The following RBKS variants were observed in gnomAD, a reference collection of about 807,000 sequenced individuals.
RBKS encodes the protein ribokinase.
RBKS carries 33 observed loss-of-function variants against 33.9 expected under a neutral mutation model. The ratio of observed to expected loss-of-function variants is 0.97; its 90% CI spans 0.74 to 1.30. The LOEUF is 1.30. Ranked by LOEUF, RBKS falls within the 50% of genes most tolerant of loss-of-function variation. The pLI, the probability that RBKS is intolerant of heterozygous loss-of-function variation, is 0.00. For missense variants in RBKS, 361 were observed against 392.6 expected, an observed-to-expected ratio of 0.92 and a Z score of 0.68; for synonymous variants, 125 against 143.0, an observed-to-expected ratio of 0.87 and a Z score of 0.90.
chr2:27,834,129 A>G (rs778569551), intron 5 of RBKS, among the ~76,000 whole-genome samples: 1 of 152,200 alleles, frequency 6.6e-6, no homozygotes, highest in Non-Finnish European at 1.5e-5. Flanking sequence ...CTTGGCACTA[A>G]TGCATTCCAC....
intron 1 of RBKS, among the ~76,000 whole-genome samples, chr2:27,874,505 G>A (rs1305682627): frequency 2.6e-5 from 4 of 152,210 alleles, no homozygotes; most frequent in Admixed American, 2.0e-4. Context: ...GACACAACAC[G>A]TCGTCAAGAG....
intron 1 of RBKS, among the ~76,000 whole-genome samples, chr2:27,873,840 A>AC (rs75896045): frequency 5.3e-5 from 8 of 151,752 alleles, no homozygotes; most frequent in African/African-American, 7.3e-5. Context: ...ACAAAAAAAA[A>AC]ACAAAACACC....
chr2:27,848,479 T>A (rs1663667105), intron 2 of RBKS, among the ~76,000 whole-genome samples: 1 of 152,182 alleles, frequency 6.6e-6, no homozygotes. Flanking sequence ...TTGCCTGATG[T>A]TCCAGAATCT....
chr2:27,827,694 A>G lies in RBKS; in HGVS notation c.668T>C (p.Val223Ala). 1 of 1,613,750 alleles carries G rather than the reference A, an allele frequency of 6.2e-7. No homozygotes were observed. The highest frequency in any genetic ancestry group is 8.5e-7 in the Non-Finnish European group (1 of 1,179,892). ...SAADAGEAAL[V>A]LLKRGCQVVI... ...CACCTGGCAGCCCCTTTTCAAGAGC[A>G]CTAATGCAGCCTCCCCAGCATCTGC... Residue 223 changes from valine to alanine, a missense_variant, in exon 7 of 8, where the codon GTG (valine) becomes GCG (alanine). Val to Ala is a moderately conservative substitution (Grantham distance 64). Coordinates refer to ENST00000302188, the MANE Select transcript of RBKS (RefSeq NM_022128.3).
In RBKS at chr2:27,837,565, G is replaced by A. The variant is rs1678550919; in HGVS notation, c.515-4788C>T. Reference sequence around the variant, plus strand: ...ATGCTAGTCACAATAGCAAAGACATGGAATCAACCTAGGTGCCCATCAATG... The same window carrying A: ...ATGCTAGTCACAATAGCAAAGACATAGAATCAACCTAGGTGCCCATCAATG... On this transcript the variant is annotated intron_variant, in intron 5 of 7. Coordinates refer to ENST00000302188, the MANE Select transcript of RBKS (RefSeq NM_022128.3). The surrounding 1 kb of genome is among the most constrained non-coding windows in gnomAD (Gnocchi z 4.0). Among the ~76,000 whole-genome samples, 1 of 152,090 alleles carries A rather than the reference G, an allele frequency of 6.6e-6. No homozygotes were observed. The highest frequency in any genetic ancestry group is 2.1e-4 in the South Asian group (1 of 4,824).
chr2:27,829,934 C>A (rs1337389604), intron 6 of RBKS, among the ~76,000 whole-genome samples: 1 of 152,122 alleles, frequency 6.6e-6, no homozygotes, highest in East Asian at 1.9e-4. Flanking sequence ...GGAGCCACAG[C>A]CTAGCATGTA....
At chr2:27,875,085 T>G (rs1664285934) in intron 1 of RBKS, among the ~76,000 whole-genome samples, 1 of 152,190 alleles carries the variant, frequency 6.6e-6, no homozygotes, top group African/African-American at 2.4e-5. Context: ...CTGGAAAACA[T>G]TCAACATCTC....
chr2:27,877,285 G>GT (rs996070077), intron 1 of RBKS, among the ~76,000 whole-genome samples: 1,840 of 145,832 alleles, frequency 0.013, 23 homozygotes, highest in African/African-American at 0.039. Context: ...GCTTTGTGTA[G>GT]TTTTTTTTTT....
intron 5 of RBKS, among the ~76,000 whole-genome samples, chr2:27,835,547 T>C (rs1403876102): frequency 6.8e-6 from 1 of 147,878 alleles, no homozygotes; most frequent in Non-Finnish European, 1.5e-5. Context: ...GCCTCCCAAG[T>C]AGCTGGGACT....
At chr2:27,794,946 T>C (rs894992314) in intron 7 of RBKS, among the ~76,000 whole-genome samples, 1 of 152,156 alleles carries the variant, frequency 6.6e-6, no homozygotes, top group Non-Finnish European at 1.5e-5. Flanking sequence ...TTTTTAGCTG[T>C]GACATTGATT....
At chr2:27,783,109 C>T (rs750465913) in intron 7 of RBKS, among the ~76,000 whole-genome samples, 1 of 152,142 alleles carries the variant, frequency 6.6e-6, no homozygotes, top group African/African-American at 2.4e-5. Flanking sequence ...CTTTGACATA[C>T]GCCCATCCTT....
chr2:27,800,879 G>A (rs1409471751), intron 7 of RBKS, among the ~76,000 whole-genome samples: 3 of 152,180 alleles, frequency 2.0e-5, no homozygotes, highest in African/African-American at 7.2e-5. Flanking sequence ...ATTGTGTGCT[G>A]GGGTCTCTGA....
chr2:27,789,953 ATATATATATATATATATATG>A lies in RBKS; in HGVS notation c.796-8185_796-8166del, dbSNP rs1157792539. 4.3e-4 allele frequency among the ~76,000 whole-genome samples: 59 copies of A among 136,252 alleles called. 1 individual carries two copies. The East Asian group carries it at 0.01, about 24-fold the overall frequency. The allele number at this position is 136,252 out of a possible 152,430, so 89.4% of individuals were successfully genotyped here. On this transcript the variant is annotated intron_variant, in intron 7 of 7. Coordinates refer to ENST00000302188, the MANE Select transcript of RBKS (RefSeq NM_022128.3). ...TATATATATATATGTATATGTGTAT[ATATATATATATATATATATG>A]TATATATATATGTAGAGAGAGAGAG...
intron 1 of RBKS, among the ~76,000 whole-genome samples, chr2:27,878,915 G>C (rs1021367064): frequency 3.9e-5 from 6 of 152,136 alleles, no homozygotes; most frequent in Admixed American, 3.9e-4. Context: ...GCCCTTCACT[G>C]GTTTCCAGGG....
intron 3 of RBKS, 106 bp downstream of exon 3, chr2:27,847,928 C>T: frequency 1.5e-6 from 1 of 678,328 alleles, no homozygotes; most frequent in South Asian, 1.7e-5. Context: ...AATTCTCTGG[C>T]CACCAGGGGA....
chr2:27,859,480 G>A (rs1300296324), intron 1 of RBKS, among the ~76,000 whole-genome samples: 1 of 152,172 alleles, frequency 6.6e-6, no homozygotes, highest in Non-Finnish European at 1.5e-5. Context: ...TTGATCCAGG[G>A]TAAGATTTTT....
At chr2:27,802,399 G>A (rs990370917) in intron 7 of RBKS, among the ~76,000 whole-genome samples, 8 of 151,194 alleles carry the variant, frequency 5.3e-5, no homozygotes, top group African/African-American at 2.0e-4. Context: ...TTATCTGAAT[G>A]TAATCCCATT....
At chr2:27,827,417 T>C in intron 7 of RBKS, 150 bp downstream of exon 7, 3 of 620,556 alleles carry the variant, frequency 4.8e-6, no homozygotes, top group Non-Finnish European at 7.7e-6. Flanking sequence ...GGGATTAAAA[T>C]ACAGTTCCCC....
intron 3 of RBKS, 138 bp from the exon 4 acceptor site, chr2:27,847,242 A>C: frequency 3.6e-6 from 2 of 556,500 alleles, no homozygotes; most frequent in Non-Finnish European, 6.5e-6. Context: ...AAAAATAAGT[A>C]ATTAGTGCTA....
Sources: allele counts gnomAD v4.1 joint callset (sites outside exome capture counted in the v4.1 genomes callset), GRCh38; gene constraint gnomAD v4.1.1; non-coding constraint Gnocchi (gnomAD v3.1); transcripts MANE v1.5; gene names NCBI Gene and HGNC (gene_info 2026-07-23, HGNC 2026-07-21).